The following RASEF variants were observed in gnomAD, a reference collection of about 807,000 sequenced individuals.
The protein encoded by RASEF is ras and EF-hand domain-containing protein.
In RASEF, 68 loss-of-function variants were observed where a neutral mutation model predicts 90.1. That is an observed-to-expected ratio of 0.75 (90% confidence interval 0.62 to 0.92). RASEF has a LOEUF of 0.92. RASEF is among the 40% of genes least tolerant of loss of function. The pLI is 0.00. For synonymous variants in RASEF, 331 were observed against 345.2 expected, an observed-to-expected ratio of 0.96 and a Z score of 0.46; for missense variants, 949 against 937.2, an observed-to-expected ratio of 1.01 and a Z score of -0.16.
chr9:83,107,688 C>G, the RASEF span, among the ~76,000 whole-genome samples: 7 of 152,122 alleles, frequency 4.6e-5, no homozygotes, highest in Non-Finnish European at 1.0e-4. Flanking sequence ...TTGTTCATTT[C>G]TTAAACCATT....
chr9:82,993,123 C>A (rs1013971948), intron 14 of RASEF, 98 bp from the exon 15 acceptor site: 2 of 1,308,896 alleles, frequency 1.5e-6, no homozygotes, highest in Non-Finnish European at 2.1e-6. Context: ...TTTCCCTTTG[C>A]CTCCTTTGTG....
At chr9:83,001,200 A>G (rs990169884) in intron 9 of RASEF, 70 bp from the exon 10 acceptor site, 2 of 1,083,224 alleles carry the variant, frequency 1.8e-6, no homozygotes, top group Non-Finnish European at 2.8e-6. Context: ...GCAATAGACC[A>G]CATGCCATTA....
chr9:83,062,735 C>T lies in RASEF; in HGVS notation c.133G>A (p.Ala45Thr). ...ALCTELRVRPADAEAVFQRLD... is the reference protein window; with the variant it reads ...ALCTELRVRPTDAEAVFQRLD... ...CGCTGGAATACTGCCTCGGCGTCGGCCGGCCGCACCCGCAGCTCCGTGCAC... is the reference window on the plus strand; with the variant it reads ...CGCTGGAATACTGCCTCGGCGTCGGTCGGCCGCACCCGCAGCTCCGTGCAC... The change falls in exon 1 of 17, where the codon GCC (alanine) becomes ACC (threonine). Residue 45 changes from alanine (A) to threonine (T), a missense_variant. By Grantham distance (58) the Ala-to-Thr change is moderately conservative (BLOSUM62 0). This residue lies in a region of RASEF where 656 missense variants were observed against 592.2 expected (regional missense o/e 1.11). Coordinates refer to ENST00000376447, the MANE Select transcript of RASEF (RefSeq NM_152573.4). 1.3e-6 allele frequency: 2 copies of T among 1,569,156 alleles called. No individual in the cohort carries two copies. The highest frequency in any genetic ancestry group is 1.7e-6 in the Non-Finnish European group (2 of 1,166,170).
At chr9:83,134,421 C>A in the RASEF span, among the ~76,000 whole-genome samples, 7 of 150,552 alleles carry the variant, frequency 4.6e-5, no homozygotes, top group African/African-American at 1.5e-4. Flanking sequence ...CACACACACA[C>A]ACACACACAC....
At chr9:83,094,281 A>C in the RASEF span, among the ~76,000 whole-genome samples, 7 of 151,498 alleles carry the variant, frequency 4.6e-5, no homozygotes, top group East Asian at 1.3e-3. Context: ...TAAATATGAA[A>C]TACCCACAAC....
the RASEF span, among the ~76,000 whole-genome samples, chr9:83,216,749 T>C: frequency 6.6e-6 from 1 of 152,110 alleles, no homozygotes; most frequent in Non-Finnish European, 1.5e-5. Flanking sequence ...AGCAAGTTAG[T>C]TAATTTCTAG....
At chr9:83,028,677 G>A (rs1441730645) in intron 1 of RASEF, among the ~76,000 whole-genome samples, 1 of 152,180 alleles carries the variant, frequency 6.6e-6, no homozygotes, top group African/African-American at 2.4e-5. Context: ...AATAAAAATA[G>A]TTATACGTAG....
chr9:83,026,577 C>T (rs910507838), intron 1 of RASEF, among the ~76,000 whole-genome samples: 3 of 151,992 alleles, frequency 2.0e-5, no homozygotes, highest in East Asian at 1.9e-4. Context: ...CGGGGGAAAC[C>T]GCCCACATGA....
chr9:83,124,965 G>A, the RASEF span, among the ~76,000 whole-genome samples: 70 of 152,290 alleles, frequency 4.6e-4, no homozygotes, highest in African/African-American at 1.6e-3. Context: ...ACAAACAGTC[G>A]TGTGATAGCA....
At chr9:82,988,693 C>T (rs1749329772) in intron 16 of RASEF, among the ~76,000 whole-genome samples, 1 of 152,104 alleles carries the variant, frequency 6.6e-6, no homozygotes, top group Admixed American at 6.5e-5. Flanking sequence ...GCTCCCTCGT[C>T]ATGTGACACG....
chr9:83,038,511 T>C (rs1353361684), intron 1 of RASEF, among the ~76,000 whole-genome samples: 1 of 152,292 alleles, frequency 6.6e-6, no homozygotes, highest in East Asian at 1.9e-4. Flanking sequence ...TGAACGAAGA[T>C]GTATTCTTCA....
chr9:83,145,777 A>G, the RASEF span, among the ~76,000 whole-genome samples: 3 of 152,126 alleles, frequency 2.0e-5, no homozygotes, highest in Admixed American at 1.3e-4. Flanking sequence ...TAGTTTACCA[A>G]ATAAAAATTA....
the RASEF span, among the ~76,000 whole-genome samples, chr9:83,140,478 A>G: frequency 6.6e-6 from 1 of 152,190 alleles, no homozygotes; most frequent in African/African-American, 2.4e-5. Flanking sequence ...TCTTCCAGAC[A>G]TGAACAACTT....
the RASEF span, among the ~76,000 whole-genome samples, chr9:83,069,925 A>G: frequency 3.3e-5 from 5 of 152,188 alleles, no homozygotes; most frequent in African/African-American, 7.2e-5. Flanking sequence ...ACAACTTTTC[A>G]TATGTCTATC....
chr9:83,130,074 A>G, the RASEF span, among the ~76,000 whole-genome samples: 1 of 152,214 alleles, frequency 6.6e-6, no homozygotes. Context: ...GTACAAAGTG[A>G]AGAAAAGCAA....
chr9:83,127,548 A>G, the RASEF span, among the ~76,000 whole-genome samples: 1 of 152,230 alleles, frequency 6.6e-6, no homozygotes, highest in Non-Finnish European at 1.5e-5. Context: ...GAAAAATTCC[A>G]GTAATGCAAA....
rs140964886 is a variant in RASEF at position 82,982,741 on chromosome 9, A to C, written c.2159T>G (p.Ile720Ser). 2.5e-6 allele frequency: 4 copies of C among 1,610,134 alleles called. No individual in the cohort carries two copies. In the African/African-American group the frequency reaches 5.3e-5, roughly 22 times the overall value. ...KRTDKDDSRS[I>S]TNLTGTNSKK... is the part of the protein sequence containing the mutation. ...GGAATTGGTCCCGGTTAGATTGGTA[A>C]TGGATCTGCTGTCATCCTTGTCAGT... The change falls in exon 17 of 17, where the codon ATT (isoleucine) becomes AGT (serine). Residue 720 changes from isoleucine to serine, a missense_variant. Around this residue, in one of 3 missense-constraint regions of RASEF, gnomAD observed 288 missense variants for 328.4 expected, o/e 0.88. Transcript: ENST00000376447.
the RASEF span, among the ~76,000 whole-genome samples, chr9:83,089,852 C>T: frequency 6.6e-6 from 1 of 151,778 alleles, no homozygotes; most frequent in Non-Finnish European, 1.5e-5. Flanking sequence ...AAATACTGTT[C>T]CTGATCTTTC....
the RASEF span, among the ~76,000 whole-genome samples, chr9:83,096,829 G>A: frequency 7.0e-6 from 1 of 143,438 alleles, no homozygotes; most frequent in Non-Finnish European, 1.5e-5. Context: ...CCCCCTTCCT[G>A]TGTCCATGTG....
Sources: allele counts gnomAD v4.1 joint callset (sites outside exome capture counted in the v4.1 genomes callset), GRCh38; gene constraint gnomAD v4.1.1; regional missense constraint gnomAD v4.1.1; transcripts MANE v1.5; gene names NCBI Gene and HGNC (gene_info 2026-07-23, HGNC 2026-07-21).